The following ZNF236 variants were observed in gnomAD, a reference collection of about 807,000 sequenced individuals.
ZNF236 encodes the protein regulated by glucose.
Under a neutral mutation model 191.2 loss-of-function variants are expected in ZNF236, and 50 were observed. The ratio of observed to expected loss-of-function variants is 0.26; its 90% CI spans 0.21 to 0.33. ZNF236 has a LOEUF of 0.33. ZNF236 is among the 10% of genes least tolerant of loss of function. The probability of loss-of-function intolerance (pLI) is 1.00; values close to 1 mark genes in which losing one functional copy is unlikely to be tolerated. For missense variants in ZNF236, 1,754 were observed against 2,374.5 expected, an observed-to-expected ratio of 0.74 and a Z score of 5.43; for synonymous variants, 907 against 928.8, an observed-to-expected ratio of 0.98 and a Z score of 0.43.
At chr18:76,885,888 G>A (rs1371576327) in intron 9 of ZNF236, 1 of 152,302 alleles carries the variant, frequency 6.6e-6, no homozygotes, top group African/African-American at 2.4e-5. Context: ...GAGAATATCT[G>A]TAAACAGTTC....
intron 9 of ZNF236, among the ~76,000 whole-genome samples, chr18:76,884,166 C>T (rs559930495): frequency 6.6e-6 from 1 of 152,136 alleles, no homozygotes; most frequent in Admixed American, 6.5e-5. Flanking sequence ...CTTTGGGAGG[C>T]CGAGGTGGGT....
At position 76,943,195 on chromosome 18, in the gene ZNF236, T is replaced by C. The variant is rs561702477; in HGVS notation, c.4783-4326T>C. On this transcript the variant is annotated intron_variant, in intron 26 of 30. Coordinates refer to ENST00000320610, the MANE Select transcript of ZNF236 (RefSeq NM_001306089.2). ...AAAAAATTTGGAATATATATGTTTTTATAAGTCCATAATTCTAATTTAAAA... is the reference window on the plus strand; with the variant it reads ...AAAAAATTTGGAATATATATGTTTTCATAAGTCCATAATTCTAATTTAAAA... Among the ~76,000 whole-genome samples, 8 of 152,254 alleles carry C rather than the reference T, an allele frequency of 5.3e-5. No homozygotes were observed. In the East Asian group the frequency reaches 1.5e-3, roughly 29 times the overall value.
intron 27 of ZNF236, among the ~76,000 whole-genome samples, chr18:76,953,789 C>T (rs1968462501): frequency 6.6e-6 from 1 of 152,176 alleles, no homozygotes; most frequent in South Asian, 2.1e-4. Context: ...CATTTAAGTT[C>T]CTGCCAGTGC....
At position 76,969,653 on chromosome 18, in the gene ZNF236, C is replaced by T. The variant is rs1039083543; in HGVS notation, c.*1314C>T. Reference sequence around the variant, plus strand: ...CCTGAAAAATAATTGCCTTTATTTTCTCTCGTTGCCTCCTTGGTTTCAGAA... The same window carrying T: ...CCTGAAAAATAATTGCCTTTATTTTTTCTCGTTGCCTCCTTGGTTTCAGAA... On this transcript the variant is annotated 3_prime_UTR_variant, in exon 31 of 31. Transcript: ENST00000320610. The T allele has an allele frequency of 6.6e-5, 10 of 152,002 alleles. No homozygotes were observed. In the East Asian group the frequency reaches 1.9e-3, roughly 29 times the overall value. The allele number at this position is 152,002 out of a possible 1,614,324, so 9.4% of individuals were successfully genotyped here.
chr18:76,965,587 A>G (rs1212345876), intron 30 of ZNF236, among the ~76,000 whole-genome samples: 1 of 152,198 alleles, frequency 6.6e-6, no homozygotes, highest in African/African-American at 2.4e-5. Flanking sequence ...TTCTCTTGAT[A>G]TAGTACTCCC....
chr18:76,823,026 G>T (rs1974906288), intron 1 of ZNF236, among the ~76,000 whole-genome samples: 1 of 149,190 alleles, frequency 6.7e-6, no homozygotes, highest in Non-Finnish European at 1.5e-5. Context: ...CCCGTGTTCC[G>T]TCCCGGGGCC....
chr18:76,927,300 G>A lies in ZNF236; in HGVS notation c.4197G>A (p.Gln1399=). 2 of 1,614,164 alleles carry A rather than the reference G, an allele frequency of 1.2e-6. No individual in the cohort carries two copies. Among genetic ancestry groups the A allele is most frequent in the Non-Finnish European group, 1.7e-6 (2 of 1,180,026 alleles). The change falls in exon 24 of 31, where the codon CAG becomes CAA. Residue 1399 remains glutamine, a synonymous_variant. Coordinates refer to ENST00000320610, the MANE Select transcript of ZNF236 (RefSeq NM_001306089.2). This position sits in a 1 kb window ranked among gnomAD's most constrained non-coding sequence, Gnocchi z 5.4. The part of the protein sequence containing the change: ...TLQIDPSILQ[Q]TLQQGNLLAQ... Reference sequence around the variant, plus strand: ...AGATTGATCCAAGCATTCTGCAGCAGACGCTACAGCAGGGCAACCTATTGG... The same window carrying A: ...AGATTGATCCAAGCATTCTGCAGCAAACGCTACAGCAGGGCAACCTATTGG...
chr18:76,919,000 C>T (rs1449038700), intron 19 of ZNF236, among the ~76,000 whole-genome samples: 1 of 152,102 alleles, frequency 6.6e-6, no homozygotes, highest in East Asian at 1.9e-4. Flanking sequence ...GTTTTATTTT[C>T]TTCTTTATAG....
In ZNF236 at chr18:76,970,481, A is replaced by T. The variant is rs531638464; in HGVS notation, c.*2142A>T. The T allele has an allele frequency of 1.3e-5, 2 of 152,798 alleles. No homozygotes were observed. Among genetic ancestry groups the T allele is most frequent in the South Asian group, 2.1e-4 (1 of 4,828 alleles). 9.5% of individuals were successfully genotyped at this position (152,798 alleles called of 1,614,324 possible). ...TATTTCGATTTACTTCCTAATTATAAAAGCTGCTTTTTTGCAGAACATTCC... is the reference window on the plus strand; with the variant it reads ...TATTTCGATTTACTTCCTAATTATATAAGCTGCTTTTTTGCAGAACATTCC... On this transcript the variant is annotated 3_prime_UTR_variant, in exon 31 of 31. Transcript: ENST00000320610.
intron 1 of ZNF236, among the ~76,000 whole-genome samples, chr18:76,828,045 C>G (rs1344974192): frequency 2.6e-5 from 4 of 152,032 alleles, no homozygotes; most frequent in Non-Finnish European, 5.9e-5. Context: ...GACCATGAGC[C>G]CAATGGATAA....
intron 1 of ZNF236, among the ~76,000 whole-genome samples, chr18:76,847,375 G>A (rs1037036334): frequency 1.3e-5 from 2 of 152,012 alleles, no homozygotes; most frequent in African/African-American, 2.4e-5. Flanking sequence ...TCCTAACCTC[G>A]AAGCTGTTTC....
intron 22 of ZNF236, among the ~76,000 whole-genome samples, chr18:76,926,567 GTGATTAGACAGTGTGTA>G (rs1329475565): frequency 6.6e-6 from 1 of 151,886 alleles, no homozygotes; most frequent in Non-Finnish European, 1.5e-5. Context: ...GGTATAAAGG[GTGATTAGACAGTGTGTA>G]TGATTAGACA....
chr18:76,930,143 C>T (rs933303147), intron 25 of ZNF236, among the ~76,000 whole-genome samples: 4 of 152,208 alleles, frequency 2.6e-5, no homozygotes, highest in African/African-American at 9.7e-5. Context: ...GGAGATTCAT[C>T]CACGGATCTT....
chr18:76,878,152 G>A lies in ZNF236; in HGVS notation c.984G>A (p.Thr328=), dbSNP rs1230729714. 5.6e-6 allele frequency: 9 copies of A among 1,604,450 alleles called. No individual in the cohort carries two copies. The highest frequency in any genetic ancestry group is 3.4e-5 in the South Asian group (3 of 89,198). ...TSSTETAHVL[T]ATLFQTLPLQ... The stretch of plus-strand genomic sequence containing the variant: ...CTACAGAGACTGCTCATGTTTTAAC[G>A]GTAAGTTTAGTAATTTGGAAGAACT... The change falls in exon 7 of 31, where the codon ACG becomes ACA. Residue 328 remains threonine, a splice_region_variant and synonymous_variant. Transcript: ENST00000320610.
intron 3 of ZNF236, among the ~76,000 whole-genome samples, chr18:76,866,662 A>G (rs1455197670): frequency 6.6e-6 from 1 of 152,178 alleles, no homozygotes; most frequent in Admixed American, 6.5e-5. Context: ...CATCATGAGA[A>G]TTACCCCAGG....
rs1422988793 is a variant in ZNF236, at chr18:76,919,754, C to G, written c.3275-22C>G. 1 of 1,604,458 alleles carries G rather than the reference C, an allele frequency of 6.2e-7. No individual in the cohort carries two copies. The highest frequency in any genetic ancestry group is 1.7e-5 in the Admixed American group (1 of 59,764). ...GGTTTTCTTCATTACGATTTTGATC[C>G]CTTTTCCTTGATTTTGTGTAGACAT... On this transcript the variant is annotated intron_variant, in intron 19 of 30. Transcript: ENST00000320610. The surrounding 1 kb of genome is among the most constrained non-coding windows in gnomAD (Gnocchi z 5.3).
chr18:76,925,505 G>A lies in ZNF236; in HGVS notation c.3978G>A (p.Leu1326=). The change falls in exon 22 of 31, where the codon CTG becomes CTA. Residue 1326 remains leucine (L), a synonymous_variant. Transcript: ENST00000320610. This position sits in a 1 kb window ranked among gnomAD's most constrained non-coding sequence, Gnocchi z 5.7. The stretch of plus-strand genomic sequence containing the variant: ...TAACAGGACAGTTTGATCAGAATCT[G>A]CTGCAACCAGGACTGGTGGGCCAAG... ...SVLTGQFDQN[L]LQPGLVGQAI... 1 of 1,614,030 alleles carries A rather than the reference G, an allele frequency of 6.2e-7. No individual in the cohort carries two copies. Among genetic ancestry groups the A allele is most frequent in the East Asian group, 2.2e-5 (1 of 44,882 alleles).
chr18:76,890,015 C>A (rs1278607442), intron 9 of ZNF236, among the ~76,000 whole-genome samples: 1 of 152,222 alleles, frequency 6.6e-6, no homozygotes, highest in African/African-American at 2.4e-5. Flanking sequence ...AACCAATCTG[C>A]AGCCATTTGC....
chr18:76,908,189 A>G (rs1002599553), intron 13 of ZNF236, 131 bp from the exon 14 acceptor site: 2 of 1,255,032 alleles, frequency 1.6e-6, no homozygotes, highest in African/African-American at 1.5e-5. Flanking sequence ...CTGAATTGCC[A>G]TCATGACTTC....
Sources: allele counts gnomAD v4.1 joint callset (sites outside exome capture counted in the v4.1 genomes callset), GRCh38; gene constraint gnomAD v4.1.1; non-coding constraint Gnocchi (gnomAD v3.1); transcripts MANE v1.5; gene names NCBI Gene and HGNC (gene_info 2026-07-23, HGNC 2026-07-21).